PTPRD: variants seen among roughly 807,000 people sequenced by gnomAD.
The protein encoded by PTPRD is receptor-type tyrosine-protein phosphatase delta.
A neutral mutation model predicts 214.5 loss-of-function variants in PTPRD; 34 were observed. That is an observed-to-expected ratio of 0.16 (90% CI 0.12 to 0.21). The LOEUF (loss-of-function observed/expected upper bound fraction) is 0.21. Among genes scored for constraint, PTPRD ranks in the 10% least tolerant of loss-of-function variants. The pLI, the probability that PTPRD is intolerant of heterozygous loss-of-function variation, is 1.00. For missense variants in PTPRD, 2,545 were observed against 2,398.7 expected, an observed-to-expected ratio of 1.06 and a Z score of -1.27; for synonymous variants, 1,128 against 845.7, an observed-to-expected ratio of 1.33 and a Z score of -5.79.
chr9:9,903,484 G>C (rs958524685), intron 5 of PTPRD, among the ~76,000 whole-genome samples: 2 of 151,980 alleles, frequency 1.3e-5, no homozygotes, highest in African/African-American at 2.4e-5. Flanking sequence ...CACAGATCAG[G>C]TACCCAATAA....
chr9:9,058,087 C>T (rs2099699612), intron 10 of PTPRD, among the ~76,000 whole-genome samples: 1 of 152,076 alleles, frequency 6.6e-6, no homozygotes, highest in African/African-American at 2.4e-5. Context: ...TCCTTAAACA[C>T]TTATTTACTT....
Position 8,342,831 on chromosome 9 carries a change from T to A in PTPRD, c.4662-853A>T, listed in dbSNP as rs574256103. On this transcript the variant is annotated intron_variant, in intron 39 of 45. Coordinates refer to ENST00000381196, the MANE Select transcript of PTPRD (RefSeq NM_002839.4). ...TGTATCGAAGGGACATAATACTTTA[T>A]ACACAGCTATTTCTAAACAAGAAAG... 1.2e-3 allele frequency among the ~76,000 whole-genome samples: 181 copies of A among 152,268 alleles called. 1 individual carries two copies. The highest frequency in any genetic ancestry group is 4.1e-3 in the African/African-American group (171 of 41,568).
At chr9:10,267,708 G>A (rs1564895861) in intron 3 of PTPRD, among the ~76,000 whole-genome samples, 1 of 152,012 alleles carries the variant, frequency 6.6e-6, no homozygotes. Context: ...CTTCATAATA[G>A]TAAATATAAA....
intron 35 of PTPRD, among the ~76,000 whole-genome samples, chr9:8,431,081 G>A (rs776284778): frequency 2.1e-4 from 32 of 152,196 alleles, no homozygotes; most frequent in Middle Eastern, 6.8e-3. Context: ...CAGAAACTTC[G>A]CTCTCCCCCA....
At chr9:10,128,888 T>A (rs187916510) in intron 3 of PTPRD, among the ~76,000 whole-genome samples, 1 of 152,122 alleles carries the variant, frequency 6.6e-6, no homozygotes, top group Non-Finnish European at 1.5e-5. Flanking sequence ...AAAGCCAGAC[T>A]CTTAATATAG....
chr9:9,270,350 A>T (rs1569566278), intron 9 of PTPRD, among the ~76,000 whole-genome samples: 1 of 151,352 alleles, frequency 6.6e-6, no homozygotes, highest in East Asian at 2.0e-4. Context: ...TTTAGACAAG[A>T]ATGTAGAGAA....
intron 35 of PTPRD, among the ~76,000 whole-genome samples, chr9:8,427,265 G>A (rs1177869686): frequency 1.3e-5 from 2 of 152,176 alleles, no homozygotes; most frequent in Admixed American, 1.3e-4. Context: ...TATTTTCTGA[G>A]AGAAAAGAGC....
chr9:8,772,643 T>C (rs987298131), intron 11 of PTPRD, among the ~76,000 whole-genome samples: 1 of 152,068 alleles, frequency 6.6e-6, no homozygotes, highest in Admixed American at 6.6e-5. Flanking sequence ...ACCTTGTCTC[T>C]AAAAAAATAA....
rs577071710 is a variant in PTPRD, at chr9:9,994,413, C to T, written c.-472+39305G>A. Among the ~76,000 whole-genome samples, 8 of 152,240 alleles carry T rather than the reference C, an allele frequency of 5.3e-5. No individual in the cohort carries two copies. In the East Asian group the frequency reaches 1.5e-3, roughly 29 times the overall value. On this transcript the variant is annotated intron_variant, in intron 4 of 45. Coordinates refer to ENST00000381196, the MANE Select transcript of PTPRD (RefSeq NM_002839.4). Reference sequence around the variant, plus strand: ...TCTCTAGAATAATTTATGTTTATCTCTTCTCCCATACTGTATATTAAAATT... The same window carrying T: ...TCTCTAGAATAATTTATGTTTATCTTTTCTCCCATACTGTATATTAAAATT...
chr9:8,561,027 C>T (rs1259128093), intron 14 of PTPRD, among the ~76,000 whole-genome samples: 1 of 152,056 alleles, frequency 6.6e-6, no homozygotes, highest in Non-Finnish European at 1.5e-5. Context: ...AACTCCACCT[C>T]CAAACTGAAG....
intron 2 of PTPRD, among the ~76,000 whole-genome samples, chr9:10,521,625 C>A (rs2052317691): frequency 6.6e-6 from 1 of 152,182 alleles, no homozygotes; most frequent in East Asian, 1.9e-4. Flanking sequence ...GCAACAAAAT[C>A]ATTCTTATTT....
intron 2 of PTPRD, among the ~76,000 whole-genome samples, chr9:10,375,134 C>A (rs938738605): frequency 6.6e-6 from 1 of 151,958 alleles, no homozygotes; most frequent in East Asian, 1.9e-4. Flanking sequence ...AGACAATTTA[C>A]TTTTTCTACA....
intron 2 of PTPRD, among the ~76,000 whole-genome samples, chr9:10,509,414 C>G (rs1340948414): frequency 6.6e-6 from 1 of 151,014 alleles, no homozygotes; most frequent in Non-Finnish European, 1.5e-5. Context: ...CTTGTTGTTT[C>G]AGCTTCATCC....
At chr9:10,474,375 G>A (rs147753642) in intron 2 of PTPRD, among the ~76,000 whole-genome samples, 2,734 of 149,972 alleles carry the variant, frequency 0.018, 73 homozygotes, top group South Asian at 0.059. Context: ...AACCAACAAA[G>A]GTCAAAAGAG....
chr9:9,588,696 T>C (rs1319839729), intron 7 of PTPRD, among the ~76,000 whole-genome samples: 1 of 151,998 alleles, frequency 6.6e-6, no homozygotes, highest in East Asian at 1.9e-4. Context: ...CCACTACCAG[T>C]CCTTGAATTG....
chr9:9,756,855 A>T (rs999771477), intron 6 of PTPRD, among the ~76,000 whole-genome samples: 11 of 152,156 alleles, frequency 7.2e-5, no homozygotes, highest in Non-Finnish European at 1.5e-4. Flanking sequence ...ATTTTTCTAG[A>T]CTGAACATTA....
intron 7 of PTPRD, among the ~76,000 whole-genome samples, chr9:9,701,057 T>C (rs2154411906): frequency 6.6e-6 from 1 of 151,364 alleles, no homozygotes; most frequent in African/African-American, 2.4e-5. Flanking sequence ...AAAAAAAAAT[T>C]GAATAGGTAT....
chr9:10,471,726 A>C (rs1273041953), intron 2 of PTPRD, among the ~76,000 whole-genome samples: 1 of 152,170 alleles, frequency 6.6e-6, no homozygotes, highest in East Asian at 1.9e-4. Context: ...ATAGATAAAG[A>C]AGTCATCGTT....
intron 30 of PTPRD, among the ~76,000 whole-genome samples, chr9:8,482,538 G>A (rs58706764): frequency 6.6e-6 from 1 of 151,940 alleles, no homozygotes; most frequent in Non-Finnish European, 1.5e-5. Context: ...ACTTGAGGGT[G>A]TGAGATAGAA....
Sources: allele counts gnomAD v4.1 joint callset (sites outside exome capture counted in the v4.1 genomes callset), GRCh38; gene constraint gnomAD v4.1.1; transcripts MANE v1.5; gene names NCBI Gene and HGNC (gene_info 2026-07-23, HGNC 2026-07-21).